Variants in C19orf38 observed in about 807,000 individuals in gnomAD.
C19orf38 encodes the protein chromosome 19 open reading frame 38.
Under a neutral mutation model 26.6 loss-of-function variants are expected in C19orf38, and 14 were observed. That is an observed-to-expected ratio of 0.53 (90% CI 0.35 to 0.82). C19orf38 has a LOEUF of 0.82. Ranked by LOEUF, C19orf38 falls within the 40% of genes least tolerant of loss-of-function variation. The probability of loss-of-function intolerance (pLI) is 0.01; values close to 1 mark genes in which losing one functional copy is unlikely to be tolerated. For synonymous variants in C19orf38, 132 were observed against 128.5 expected (o/e 1.03, Z -0.18); for missense variants, 261 against 299.5 (o/e 0.87, Z 0.95).
chr19:10,838,736 G>C (rs2073456888), intron 1 of C19orf38, among the ~76,000 whole-genome samples: 1 of 152,192 alleles, frequency 6.6e-6, no homozygotes. Flanking sequence ...GCAAAATACA[G>C]GGGGGTTTAT....
At chr19:10,846,627 A>G (rs952508965), upstream of C19orf38, among the ~76,000 whole-genome samples, 4 of 152,220 alleles carry the variant, frequency 2.6e-5, no homozygotes, top group African/African-American at 9.6e-5. Context: ...AGGAAGACCG[A>G]TAAGAGACAA....
chr19:10,848,144 TC>T (rs1836563633), upstream of C19orf38, among the ~76,000 whole-genome samples: 1 of 152,022 alleles, frequency 6.6e-6, no homozygotes, highest in Non-Finnish European at 1.5e-5. Context: ...TGAGCCGAGA[TC>T]GCTCCACTGC....
chr19:10,851,474 G>A (rs1409606808), intron 2 of C19orf38, among the ~76,000 whole-genome samples: 1 of 151,894 alleles, frequency 6.6e-6, no homozygotes, highest in Admixed American at 6.6e-5. Flanking sequence ...CTAAGTAGCT[G>A]AGACTACAGG....
At chr19:10,848,574 C>T in intron 1 of C19orf38, 35 bp downstream of exon 1, 1 of 1,304,838 alleles carries the variant, frequency 7.7e-7, no homozygotes, top group Non-Finnish European at 1.0e-6. Flanking sequence ...ATCCCCCACG[C>T]CTTTCCCCCC....
At chr19:10,856,411 G>A (rs1317558516) in intron 3 of C19orf38, 54 bp downstream of exon 3, 7 of 1,409,864 alleles carry the variant, frequency 5.0e-6, no homozygotes, top group East Asian at 2.5e-5. Context: ...CTTCTGGAAC[G>A]TGAAGATGTG....
At chr19:10,863,483 A>G (rs549182839) in intron 6 of C19orf38, among the ~76,000 whole-genome samples, 26 of 152,258 alleles carry the variant, frequency 1.7e-4, no homozygotes, top group Non-Finnish European at 2.8e-4. Flanking sequence ...TGGCCTGGTC[A>G]GTGCTGCCTT....
chr19:10,842,142 C>T (rs922881130), intron 1 of C19orf38: 1 of 1,579,942 alleles, frequency 6.3e-7, no homozygotes, highest in East Asian at 2.2e-5. Flanking sequence ...CACTCAGGCC[C>T]AGATGACACC....
Position 10,856,327 on chromosome 19 carries a change from C to T in C19orf38, c.403C>T (p.Leu135=). 4 of 1,551,268 alleles carry T rather than the reference C, an allele frequency of 2.6e-6. No individual in the cohort carries two copies. The highest frequency in any genetic ancestry group is 3.5e-6 in the Non-Finnish European group (4 of 1,146,668). The part of the protein sequence containing the change: ...LAGALFLLAG[L]VAVALVVRKV... ...TGGTGCCCTCTTCCTCCTTGCTGGGCTGGTGGCTGTTGCCCTGGTGGTCAG... is the reference window on the plus strand; with the variant it reads ...TGGTGCCCTCTTCCTCCTTGCTGGGTTGGTGGCTGTTGCCCTGGTGGTCAG... The change falls in exon 3 of 7, where the codon CTG becomes TTG. Residue 135 remains leucine (L), a synonymous_variant. Transcript: ENST00000397820.
chr19:10,837,653 A>C (rs1161577537), intron 1 of C19orf38, among the ~76,000 whole-genome samples: 1 of 150,722 alleles, frequency 6.6e-6, no homozygotes, highest in East Asian at 1.9e-4. Context: ...GACTACAGGC[A>C]CGTGCCACCA....
intron 1 of C19orf38, among the ~76,000 whole-genome samples, chr19:10,839,105 C>G (rs1428553540): frequency 2.6e-5 from 4 of 152,084 alleles, no homozygotes; most frequent in African/African-American, 9.7e-5. Flanking sequence ...CAGGATTTCA[C>G]CATGTTGTCC....
At chr19:10,838,980 C>A (rs2073458890) in intron 1 of C19orf38, among the ~76,000 whole-genome samples, 2 of 151,128 alleles carry the variant, frequency 1.3e-5, no homozygotes, top group African/African-American at 4.9e-5. Context: ...AGTGGCGTGA[C>A]CTAGGCTCTC....
intron 6 of C19orf38, 111 bp downstream of exon 6, chr19:10,863,318 C>A: frequency 8.0e-7 from 1 of 1,245,826 alleles, no homozygotes; most frequent in Non-Finnish European, 1.1e-6. Context: ...CTCTAAGCTG[C>A]GGGGGGGCTA....
chr19:10,845,676 G>A (rs1490437981), upstream of C19orf38, among the ~76,000 whole-genome samples: 3 of 150,792 alleles, frequency 2.0e-5, no homozygotes, highest in African/African-American at 4.9e-5. Context: ...TCAGGAGATC[G>A]AGACCATCCT....
chr19:10,849,185 T>G (rs973235380), intron 1 of C19orf38, among the ~76,000 whole-genome samples: 14 of 151,794 alleles, frequency 9.2e-5, no homozygotes, highest in Admixed American at 3.3e-4. Context: ...TTTTTTAATA[T>G]TTATTTTTAT....
upstream of C19orf38, among the ~76,000 whole-genome samples, chr19:10,844,035 C>G (rs1422890899): frequency 6.6e-6 from 1 of 151,874 alleles, no homozygotes; most frequent in Middle Eastern, 3.2e-3. Context: ...ATCACTTAAA[C>G]CCGGAAGATG....
upstream of C19orf38, among the ~76,000 whole-genome samples, chr19:10,844,333 G>A (rs1008014843): frequency 1.3e-5 from 2 of 151,560 alleles, no homozygotes; most frequent in Non-Finnish European, 2.9e-5. Flanking sequence ...AACCCAGGAG[G>A]TGGAGTTTGC....
intron 1 of C19orf38, among the ~76,000 whole-genome samples, chr19:10,838,819 T>C (rs1162405761): frequency 2.0e-5 from 3 of 152,190 alleles, no homozygotes; most frequent in Admixed American, 2.0e-4. Context: ...GTGTGCCATT[T>C]GCATAGGGTG....
chr19:10,868,496 G>A (rs1450924211), intron 6 of C19orf38, among the ~76,000 whole-genome samples: 1 of 152,136 alleles, frequency 6.6e-6, no homozygotes, highest in Non-Finnish European at 1.5e-5. Flanking sequence ...GGGAGGAGGA[G>A]ATAATACTAT....
chr19:10,869,094 G>T, intron 6 of C19orf38, 124 bp from the exon 7 acceptor site: 1 of 1,246,930 alleles, frequency 8.0e-7, no homozygotes, highest in Non-Finnish European at 1.1e-6. Flanking sequence ...AGGTGGGTGT[G>T]GGTGGGGGCG....
Sources: gnomAD v4.1 joint callset for allele counts (sites outside exome capture counted in the v4.1 genomes callset) on GRCh38, gnomAD v4.1.1 for gene constraint, MANE v1.5 for transcripts, NCBI Gene and HGNC (gene_info 2026-07-23, HGNC 2026-07-21) for gene names.